The following PTPRN2 variants were observed in gnomAD, a reference collection of about 807,000 sequenced individuals.
PTPRN2 encodes protein tyrosine phosphatase receptor type N2, also known as receptor-type tyrosine-protein phosphatase N2.
Under a neutral mutation model 118.8 loss-of-function variants are expected in PTPRN2, and 74 were observed. That is an observed-to-expected ratio of 0.62 (90% CI 0.52 to 0.76). PTPRN2 has a LOEUF of 0.76. Among genes scored for constraint, PTPRN2 ranks in the 30% least tolerant of loss-of-function variants. The pLI is 0.00. For missense variants in PTPRN2, 1,481 were observed against 1,394.4 expected (o/e 1.06, Z -0.99); for synonymous variants, 641 against 608.0 (o/e 1.05, Z -0.80).
intron 5 of PTPRN2, among the ~76,000 whole-genome samples, chr7:158,181,256 G>A (rs1824682220): frequency 6.6e-6 from 1 of 152,122 alleles, no homozygotes; most frequent in Admixed American, 6.5e-5. Flanking sequence ...ACTTGCATGT[G>A]TTAAACCATC....
At chr7:158,469,615 T>A (rs989771661) in intron 2 of PTPRN2, among the ~76,000 whole-genome samples, 15 of 151,720 alleles carry the variant, frequency 9.9e-5, no homozygotes, top group African/African-American at 3.6e-4. Context: ...GAGCACTCGC[T>A]CGAGAGCGTT....
Position 157,596,715 on chromosome 7 carries a change from C to T in PTPRN2, c.2419-1400G>A, listed in dbSNP as rs944045538. Among the ~76,000 whole-genome samples, 20 of 152,208 alleles carry T rather than the reference C, an allele frequency of 1.3e-4. No individual in the cohort carries two copies. Among genetic ancestry groups the T allele is most frequent in the African/African-American group, 4.8e-4 (20 of 41,452 alleles). On this transcript the variant is annotated intron_variant, in intron 16 of 22. Transcript: ENST00000389418. The surrounding 1 kb of genome is among the most constrained non-coding windows in gnomAD (Gnocchi z 4.2). ...CCGACCCCCGGAGAGCCGGATGCTG[C>T]GCTGGGGGAACCTCACCTTGGGGAG...
intron 1 of PTPRN2, among the ~76,000 whole-genome samples, chr7:158,520,933 C>T (rs528150664): frequency 9.9e-5 from 15 of 152,144 alleles, no homozygotes; most frequent in Non-Finnish European, 1.5e-4. Flanking sequence ...ACCACAGGCA[C>T]CCTGCAGGCC....
intron 9 of PTPRN2, among the ~76,000 whole-genome samples, chr7:158,127,873 G>A (rs112695944): frequency 0.017 from 2,513 of 152,290 alleles, 58 homozygotes; most frequent in African/African-American, 0.05. Context: ...TGGAGGACTG[G>A]GGCGGCTGTC....
chr7:158,465,388 C>T (rs913167645), intron 2 of PTPRN2, among the ~76,000 whole-genome samples: 4 of 152,194 alleles, frequency 2.6e-5, no homozygotes, highest in East Asian at 1.9e-4. Context: ...TACTGTATCT[C>T]CTGTACACAT....
At chr7:158,423,485 C>A (rs1279742660) in intron 2 of PTPRN2, among the ~76,000 whole-genome samples, 2 of 152,096 alleles carry the variant, frequency 1.3e-5, no homozygotes, top group African/African-American at 4.8e-5. Context: ...AATGTCTCAA[C>A]GAAAATGTTC....
In PTPRN2 at chr7:158,521,544, C is replaced by T. The variant is rs553471173; in HGVS notation, c.113-31759G>A. On this transcript the variant is annotated intron_variant, in intron 1 of 22. Coordinates refer to ENST00000389418, the MANE Select transcript of PTPRN2 (RefSeq NM_002847.5). ...GCTGGCTCAGGAGGAAGGTCCGCAT[C>T]GGAATGGTGGACTGTCCAGGTACTG... 1.6e-4 allele frequency among the ~76,000 whole-genome samples: 25 copies of T among 152,150 alleles called. 8 individuals carry two copies. The highest frequency in any genetic ancestry group is 1.5e-3 in the East Asian group (8 of 5,184).
intron 2 of PTPRN2, among the ~76,000 whole-genome samples, chr7:158,321,780 CAT>C (rs58122425): frequency 0.38 from 57,039 of 151,932 alleles, 10,903 homozygotes; most frequent in Middle Eastern, 0.47. Context: ...TCAAAACACT[CAT>C]GTGTGCAAAT....
intron 11 of PTPRN2, among the ~76,000 whole-genome samples, chr7:157,997,596 G>A (rs1222040235): frequency 1.3e-5 from 2 of 152,024 alleles, no homozygotes; most frequent in Admixed American, 6.5e-5. Context: ...GCAAAGCCAC[G>A]TCAGCAGCCA....
intron 10 of PTPRN2, among the ~76,000 whole-genome samples, chr7:158,100,505 T>G (rs1383975202): frequency 6.6e-6 from 1 of 152,208 alleles, no homozygotes; most frequent in Non-Finnish European, 1.5e-5. Context: ...TGTGCTAGTT[T>G]GCACTCCCAC....
chr7:157,886,560 C>A (rs184311370), intron 12 of PTPRN2, among the ~76,000 whole-genome samples: 1 of 152,218 alleles, frequency 6.6e-6, no homozygotes, highest in South Asian at 2.1e-4. Context: ...CGTGAGCCAG[C>A]GCAACGTGGA....
chr7:157,587,515 C>T lies in PTPRN2; in HGVS notation c.2496+7723G>A, dbSNP rs1024734435. ...ATAAAAAGCTGTATTTACATCAAGC[C>T]TATCAATTTGGAAATGAGAAAACAT... is the stretch of plus-strand genomic sequence containing the variant. On this transcript the variant is annotated intron_variant, in intron 17 of 22. Coordinates refer to ENST00000389418, the MANE Select transcript of PTPRN2 (RefSeq NM_002847.5). This position sits in a 1 kb window ranked among gnomAD's most constrained non-coding sequence, Gnocchi z 5.3. 6.6e-6 allele frequency among the ~76,000 whole-genome samples: 1 copy of T among 152,222 alleles called. No homozygotes were observed. Among genetic ancestry groups the T allele is most frequent in the African/African-American group, 2.4e-5 (1 of 41,454 alleles).
chr7:157,930,150 G>T (rs554635022), intron 11 of PTPRN2, among the ~76,000 whole-genome samples: 16 of 152,286 alleles, frequency 1.1e-4, no homozygotes, highest in African/African-American at 3.6e-4. Context: ...GATAGCACGA[G>T]GCCCACAGAG....
intron 13 of PTPRN2, among the ~76,000 whole-genome samples, chr7:157,657,291 T>C (rs957456167): frequency 1.3e-4 from 4 of 31,518 alleles, no homozygotes; most frequent in Non-Finnish European, 2.4e-4. Flanking sequence ...ACCACACACA[T>C]CACACATATA....
intron 13 of PTPRN2, among the ~76,000 whole-genome samples, chr7:157,662,504 C>T (rs537204867): frequency 1.7e-4 from 26 of 152,230 alleles, no homozygotes; most frequent in East Asian, 5.8e-4. Context: ...GTTGGGCGTT[C>T]GTGGGAAGGG....
chr7:158,286,516 G>A (rs976743618), intron 3 of PTPRN2, among the ~76,000 whole-genome samples: 5 of 152,162 alleles, frequency 3.3e-5, no homozygotes, highest in African/African-American at 1.2e-4. Context: ...TTATGTTGAA[G>A]CACATCCCTT....
chr7:158,282,750 C>T lies in PTPRN2; in HGVS notation c.277+34069G>A, dbSNP rs190823553. Among the ~76,000 whole-genome samples, 30 of 147,142 alleles carry T rather than the reference C, an allele frequency of 2.0e-4. No individual in the cohort carries two copies. The South Asian group carries it at 5.2e-3, about 26-fold the overall frequency. On this transcript the variant is annotated intron_variant, in intron 3 of 22. Coordinates refer to ENST00000389418, the MANE Select transcript of PTPRN2 (RefSeq NM_002847.5). Reference sequence around the variant, plus strand: ...CCCACATGCAGCAGCCAGACACAGACGGCTCATCCCTCCTCGTGCTCCCAC... The same window carrying T: ...CCCACATGCAGCAGCCAGACACAGATGGCTCATCCCTCCTCGTGCTCCCAC...
intron 12 of PTPRN2, among the ~76,000 whole-genome samples, chr7:157,744,904 C>A (rs1368976390): frequency 1.3e-5 from 2 of 152,170 alleles, no homozygotes; most frequent in African/African-American, 4.8e-5. Flanking sequence ...TCAGCCGCAC[C>A]CCAGTCCCCC....
Position 157,801,340 on chromosome 7 carries a change from C to A in PTPRN2, c.1788+97333G>T, listed in dbSNP as rs184894072. ...GAGGCAGGATGAACGGCCTCATCCA[C>A]GGAGCACTGCTTTGCCGTCTCCAGA... On this transcript the variant is annotated intron_variant, in intron 12 of 22. Coordinates refer to ENST00000389418, the MANE Select transcript of PTPRN2 (RefSeq NM_002847.5). The surrounding 1 kb of genome is among the most constrained non-coding windows in gnomAD (Gnocchi z 4.2). Among the ~76,000 whole-genome samples, 1 of 152,186 alleles carries A rather than the reference C, an allele frequency of 6.6e-6. No homozygotes were observed. The highest frequency in any genetic ancestry group is 2.4e-5 in the African/African-American group (1 of 41,450).
Sources: gnomAD v4.1 joint callset for allele counts (sites outside exome capture counted in the v4.1 genomes callset) on GRCh38, gnomAD v4.1.1 for gene constraint, Gnocchi (gnomAD v3.1) non-coding constraint, MANE v1.5 for transcripts, NCBI Gene and HGNC (gene_info 2026-07-23, HGNC 2026-07-21) for gene names.